The following MCTP2 variants were observed in gnomAD, a reference collection of about 807,000 sequenced individuals.
The protein encoded by MCTP2 is multiple C2 and transmembrane domain-containing protein 2.
MCTP2 carries 132 observed loss-of-function variants against 111.6 expected under a neutral mutation model. The ratio of observed to expected loss-of-function variants is 1.18; its 90% CI spans 1.03 to 1.37. The LOEUF (loss-of-function observed/expected upper bound fraction) is 1.37, where lower values mean the gene tolerates loss of function less well. Ranked by LOEUF, MCTP2 falls within the 40% of genes most tolerant of loss-of-function variation. The pLI is 0.00. For missense variants in MCTP2, 1,183 were observed against 1,067.9 expected (o/e 1.11, Z -1.50); for synonymous variants, 395 against 387.7 (o/e 1.02, Z -0.22).
chr15:94,427,008 A>G (rs1322574176), intron 17 of MCTP2, among the ~76,000 whole-genome samples: 1 of 152,146 alleles, frequency 6.6e-6, no homozygotes, highest in Non-Finnish European at 1.5e-5. Context: ...ACATTGCCAG[A>G]AGATTTTAGC....
chr15:94,406,131 T>C (rs2081885279), intron 17 of MCTP2, among the ~76,000 whole-genome samples: 1 of 152,238 alleles, frequency 6.6e-6, no homozygotes, highest in African/African-American at 2.4e-5. Context: ...ATTTTGACTA[T>C]TTGAACTATT....
At chr15:94,390,450 C>G (rs2080888337) in intron 14 of MCTP2, among the ~76,000 whole-genome samples, 1 of 152,048 alleles carries the variant, frequency 6.6e-6, no homozygotes, top group African/African-American at 2.4e-5. Flanking sequence ...TCTGATAATT[C>G]ACTGACTCAA....
intron 17 of MCTP2, among the ~76,000 whole-genome samples, chr15:94,426,141 TGAGAGAGAGAGA>T (rs10603478): frequency 5.0e-5 from 7 of 140,936 alleles, no homozygotes; most frequent in South Asian, 2.3e-4. Flanking sequence ...AGAGAGAGAT[TGAGAGAGAGAGA>T]GAGAGAGAGA....
Position 94,340,795 on chromosome 15 carries a change from G to A in MCTP2, c.858-18G>A, listed in dbSNP as rs1219011115. ...CTGTCAATAAGTGGTAGCATTATTTGTTGCTTTTTGCTTGTAGAACAACTG... is the reference window on the plus strand; with the variant it reads ...CTGTCAATAAGTGGTAGCATTATTTATTGCTTTTTGCTTGTAGAACAACTG... On this transcript the variant is annotated intron_variant, in intron 6 of 22. Coordinates refer to ENST00000357742, the MANE Select transcript of MCTP2 (RefSeq NM_001385001.1). 4.0e-6 allele frequency: 6 copies of A among 1,503,966 alleles called. No homozygotes were observed. The highest frequency in any genetic ancestry group is 5.5e-6 in the Non-Finnish European group (6 of 1,082,168). The allele number at this position is 1,503,966 out of a possible 1,614,324, so 93.2% of individuals were successfully genotyped here.
chr15:94,250,072 ATACTTG>A (rs925774491), intron 1 of MCTP2, among the ~76,000 whole-genome samples: 13 of 152,036 alleles, frequency 8.6e-5, no homozygotes, highest in African/African-American at 3.1e-4. Context: ...AACTTAAGCC[ATACTTG>A]TACATCACTT....
chr15:94,409,250 G>A (rs1042828866), intron 17 of MCTP2, among the ~76,000 whole-genome samples: 4 of 152,114 alleles, frequency 2.6e-5, no homozygotes, highest in Admixed American at 2.6e-4. Context: ...TTTCTCCCAT[G>A]CTGGTTGCCT....
chr15:94,292,642 T>C (rs1411765398), intron 1 of MCTP2, among the ~76,000 whole-genome samples: 1 of 152,220 alleles, frequency 6.6e-6, no homozygotes, highest in Admixed American at 6.5e-5. Flanking sequence ...AGACCTGCCA[T>C]GTGCTTGTAT....
chr15:94,286,501 G>A (rs983601860), intron 1 of MCTP2, among the ~76,000 whole-genome samples: 2 of 152,048 alleles, frequency 1.3e-5, no homozygotes, highest in Non-Finnish European at 2.9e-5. Flanking sequence ...ATTGATACTA[G>A]ATTGTGAAAG....
intron 2 of MCTP2, among the ~76,000 whole-genome samples, chr15:94,301,704 AATC>A (rs992571952): frequency 6.6e-6 from 1 of 152,224 alleles, no homozygotes; most frequent in South Asian, 2.1e-4. Flanking sequence ...ATTTAATTAA[AATC>A]ATCTGTGGTT....
chr15:94,404,402 A>C (rs6497205), intron 17 of MCTP2, among the ~76,000 whole-genome samples: 18,294 of 151,124 alleles, frequency 0.12, 1,282 homozygotes, highest in African/African-American at 0.13. Context: ...CCCGGGTTCA[A>C]GCGATTCTTC....
chr15:94,402,582 G>A (rs938626987), intron 17 of MCTP2: 2 of 1,551,456 alleles, frequency 1.3e-6, no homozygotes, highest in Non-Finnish European at 1.7e-6. Context: ...CAGAATCAAA[G>A]CGCTGCAAGA....
At chr15:94,237,430 C>A (rs2070646924) in intron 1 of MCTP2, among the ~76,000 whole-genome samples, 1 of 134,942 alleles carries the variant, frequency 7.4e-6, no homozygotes, top group Non-Finnish European at 1.6e-5. Flanking sequence ...GAGGACAGGA[C>A]TAAACTCGGA....
At position 94,358,484 on chromosome 15, in the gene MCTP2, A is replaced by T. The variant is rs1339440556; in HGVS notation, c.1173A>T (p.Thr391=). 3 of 1,610,626 alleles carry T rather than the reference A, an allele frequency of 1.9e-6. No individual in the cohort carries two copies. Among genetic ancestry groups the T allele is most frequent in the Non-Finnish European group, 1.7e-6 (2 of 1,178,518 alleles). Residue 391 remains threonine (T), a splice_region_variant and synonymous_variant, in exon 10 of 23, where the codon ACA becomes ACT. Transcript: ENST00000357742. ...TATTATAACTGCATGTTTTCTAGAC[A>T]CTGTGTAAGAGTGCAAATCCGCAGT... The part of the protein sequence containing the change: ...KLGDQRYKSK[T]LCKSANPQWQ...
intron 8 of MCTP2, among the ~76,000 whole-genome samples, chr15:94,345,403 T>C (rs1204013811): frequency 6.7e-6 from 1 of 148,992 alleles, no homozygotes; most frequent in African/African-American, 2.5e-5. Context: ...ACCGGCCATG[T>C]TAGAGTGTTA....
intron 17 of MCTP2, among the ~76,000 whole-genome samples, chr15:94,409,838 C>T (rs528545381): frequency 6.6e-6 from 1 of 151,240 alleles, no homozygotes; most frequent in South Asian, 2.1e-4. Flanking sequence ...GTCTATCAAC[C>T]CTCCTCCCCT....
chr15:94,325,338 G>C (rs1032503621), intron 4 of MCTP2, among the ~76,000 whole-genome samples: 1 of 152,270 alleles, frequency 6.6e-6, no homozygotes, highest in Non-Finnish European at 1.5e-5. Flanking sequence ...TACTATTGCC[G>C]TGTGAATTGT....
chr15:94,301,267 G>A (rs2075596526), intron 2 of MCTP2, among the ~76,000 whole-genome samples: 2 of 152,138 alleles, frequency 1.3e-5, no homozygotes, highest in African/African-American at 4.8e-5. Context: ...AGGGACGGGA[G>A]TGCGGCTGAT....
chr15:94,234,480 CG>C (rs1567235157), intron 1 of MCTP2, among the ~76,000 whole-genome samples: 2 of 152,268 alleles, frequency 1.3e-5, no homozygotes, highest in African/African-American at 4.8e-5. Context: ...GTCACACCCA[CG>C]GGGGGCCCTG....
intron 1 of MCTP2, among the ~76,000 whole-genome samples, chr15:94,275,323 T>C (rs1209004008): frequency 6.6e-6 from 1 of 152,124 alleles, no homozygotes; most frequent in Non-Finnish European, 1.5e-5. Context: ...AAAACTAGTA[T>C]TAGTCACAGG....
Sources: allele counts gnomAD v4.1 joint callset (sites outside exome capture counted in the v4.1 genomes callset), GRCh38; gene constraint gnomAD v4.1.1; transcripts MANE v1.5; gene names NCBI Gene and HGNC (gene_info 2026-07-23, HGNC 2026-07-21).